Variants in SLC9A8 observed in about 807,000 individuals in gnomAD.
SLC9A8 encodes solute carrier family 9 member A8, also known as sodium/hydrogen exchanger 8.
In SLC9A8, 48 loss-of-function variants were observed where a neutral mutation model predicts 66.6. The observed-to-expected ratio is 0.72, with a 90% CI of 0.57 to 0.92. The LOEUF is 0.92. Ranked by LOEUF, SLC9A8 falls within the 40% of genes least tolerant of loss-of-function variation. SLC9A8 has a pLI of 0.00. For missense variants in SLC9A8, 599 were observed against 747.3 expected (o/e 0.80, Z 2.31); for synonymous variants, 274 against 282.6 (o/e 0.97, Z 0.31).
intron 3 of SLC9A8, among the ~76,000 whole-genome samples, chr20:49,838,666 C>T (rs532592863): frequency 3.3e-5 from 5 of 152,266 alleles, no homozygotes; most frequent in African/African-American, 1.2e-4. Context: ...TCCATCTTCT[C>T]GTTGATGGCG....
chr20:49,820,499 G>GA (rs947600690), intron 2 of SLC9A8, among the ~76,000 whole-genome samples: 11 of 148,770 alleles, frequency 7.4e-5, no homozygotes, highest in African/African-American at 1.2e-4. Context: ...CTGTCTCGGG[G>GA]AAAAAAAAAA....
At chr20:49,858,001 AAG>A (rs1188875704) in intron 8 of SLC9A8, among the ~76,000 whole-genome samples, 2 of 152,366 alleles carry the variant, frequency 1.3e-5, no homozygotes, top group East Asian at 3.9e-4. Context: ...ACAAGCAAAA[AAG>A]AGAGAAGTAT....
chr20:49,872,919 T>G (rs1019805415), intron 10 of SLC9A8, among the ~76,000 whole-genome samples: 1 of 152,232 alleles, frequency 6.6e-6, no homozygotes, highest in African/African-American at 2.4e-5. Context: ...TGATGATTTT[T>G]TAAGACAATC....
chr20:49,830,435 C>A, intron 3 of SLC9A8: 2 of 839,292 alleles, frequency 2.4e-6, no homozygotes, highest in Non-Finnish European at 2.1e-6. Flanking sequence ...CCAAGGCGGC[C>A]AAGGACCTGG....
At chr20:49,821,447 A>G (rs78585927) in intron 2 of SLC9A8, among the ~76,000 whole-genome samples, 13,005 of 152,276 alleles carry the variant, frequency 0.085, 653 homozygotes, top group Middle Eastern at 0.13. Context: ...TATAAAAATA[A>G]CACCACAGAT....
At chr20:49,879,338 C>T (rs950507641) in intron 12 of SLC9A8, among the ~76,000 whole-genome samples, 2 of 152,212 alleles carry the variant, frequency 1.3e-5, no homozygotes, top group African/African-American at 4.8e-5. Context: ...AGATTTGAGA[C>T]TTGGATCCAT....
chr20:49,845,219 G>A (rs1249953470), intron 5 of SLC9A8, 100 bp downstream of exon 5: 2 of 833,682 alleles, frequency 2.4e-6, no homozygotes, highest in Non-Finnish European at 4.1e-6. Flanking sequence ...AGCAGCAGCA[G>A]CAGCAGCTCT....
intron 3 of SLC9A8, chr20:49,829,869 G>T (rs1363258547): frequency 1.2e-5 from 7 of 567,126 alleles, no homozygotes; most frequent in Non-Finnish European, 2.1e-5. Flanking sequence ...GGAAAGAAGG[G>T]GGTGTCTTCG....
At chr20:49,835,356 A>G (rs1387134400) in intron 3 of SLC9A8, among the ~76,000 whole-genome samples, 1 of 152,226 alleles carries the variant, frequency 6.6e-6, no homozygotes, top group African/African-American at 2.4e-5. Flanking sequence ...AAGGTACAAT[A>G]TAATTCACAT....
At chr20:49,884,274 G>GACACACAC (rs1202309628) in intron 14 of SLC9A8, 1,458 of 119,154 alleles carry the variant, frequency 0.012, 30 homozygotes, top group Middle Eastern at 0.02. Flanking sequence ...ACACACACAC[G>GACACACAC]ACACACACAC....
At chr20:49,864,703 T>C (rs1352174564) in intron 9 of SLC9A8, 36 bp from the exon 10 acceptor site, 17 of 1,467,508 alleles carry the variant, frequency 1.2e-5, no homozygotes, top group Non-Finnish European at 1.6e-5. Flanking sequence ...CCATCAACTC[T>C]CCCTCGATTC....
chr20:49,815,066 G>A lies in SLC9A8; in HGVS notation c.85G>A (p.Val29Ile). Residue 29 changes from valine (V) to isoleucine (I), a missense_variant, in exon 2 of 16, where the codon GTC becomes ATC. Coordinates refer to ENST00000361573, the MANE Select transcript of SLC9A8 (RefSeq NM_015266.3). ...FNVTLHTTLV[V>I]TTKLVLPTPG... The stretch of plus-strand genomic sequence containing the variant: ...TGTCACCCTCCACACCACCCTGGTT[G>A]TCACGACGAAACTGGTGCTCCCGAC... 2 of 1,609,232 alleles carry A rather than the reference G, an allele frequency of 1.2e-6. No individual in the cohort carries two copies. Among genetic ancestry groups the A allele is most frequent in the Middle Eastern group, 3.3e-4 (2 of 6,054 alleles).
At position 49,874,698 on chromosome 20, in the gene SLC9A8, T is replaced by C. The variant is rs760654380; in HGVS notation, c.959-7T>C. 4.5e-6 allele frequency: 7 copies of C among 1,539,558 alleles called. No individual in the cohort carries two copies. Among genetic ancestry groups the C allele is most frequent in the Non-Finnish European group, 6.3e-6 (7 of 1,112,266 alleles). ...AGTGCTTTCTGTTCTGTTCTCTCCCTCTCTAGGCATCATGGCCATCCTTTT... is the reference window on the plus strand; with the variant it reads ...AGTGCTTTCTGTTCTGTTCTCTCCCCCTCTAGGCATCATGGCCATCCTTTT... On this transcript the variant is annotated splice_polypyrimidine_tract_variant and splice_region_variant and intron_variant, in intron 10 of 15. Transcript: ENST00000361573.
At position 49,844,619 on chromosome 20, in the gene SLC9A8, TAAAAAAAAAAAAAAAA is replaced by T. The variant is rs35043669; in HGVS notation, c.349-401_349-386del. Among the ~76,000 whole-genome samples, 79 of 106,038 alleles carry T rather than the reference TAAAAAAAAAAAAAAAA, an allele frequency of 7.5e-4. 2 individuals are homozygous for T. Among genetic ancestry groups the T allele is most frequent in the African/African-American group, 1.3e-3 (42 of 31,486 alleles). The allele number at this position is 106,038 out of a possible 152,430, so 69.6% of individuals were successfully genotyped here. A position where few individuals can be genotyped will look rare whatever the true frequency, so the allele number is the denominator to read the frequency against. On this transcript the variant is annotated intron_variant, in intron 4 of 15. Transcript: ENST00000361573. ...GGCAACATAGCGGGACCCTGTATCT[TAAAAAAAAAAAAAAAA>T]AAAAAAAAAAAAAAATTAGCCCGGC...
Position 49,815,358 on chromosome 20 carries a change from C to G in SLC9A8, c.208+169C>G, listed in dbSNP as rs1600614476. On this transcript the variant is annotated intron_variant, in intron 2 of 15. Transcript: ENST00000361573. ...TTTATAACATCATTAACAGGAAACTCTCTTCTTTATAAAATCATGGTGCTT... is the reference window on the plus strand; with the variant it reads ...TTTATAACATCATTAACAGGAAACTGTCTTCTTTATAAAATCATGGTGCTT... 3.4e-5 allele frequency: 15 copies of G among 444,518 alleles called. No homozygotes were observed. In the South Asian group the frequency reaches 3.8e-4, roughly 11 times the overall value. The allele number at this position is 444,518 out of a possible 1,614,324, so 27.5% of individuals were successfully genotyped here.
intron 8 of SLC9A8, among the ~76,000 whole-genome samples, chr20:49,856,419 A>G (rs187638232): frequency 5.3e-5 from 8 of 152,336 alleles, no homozygotes; most frequent in Non-Finnish European, 1.0e-4. Context: ...TTAAGATGCT[A>G]TTGTGTAAAC....
Position 49,839,685 on chromosome 20 carries a change from TTATTTA to T in SLC9A8, c.348+91_348+96del, listed in dbSNP as rs1442035790. ...TGTAATTACTTGGCTATCAGTGGAG[TTATTTA>T]TATTATTATGTTATATATCCCATTA... On this transcript the variant is annotated intron_variant, in intron 4 of 15. Transcript: ENST00000361573. 40 of 775,190 alleles carry T rather than the reference TTATTTA, an allele frequency of 5.2e-5. No individual in the cohort carries two copies. In the East Asian group the frequency reaches 8.4e-4, roughly 16 times the overall value. The allele number at this position is 775,190 out of a possible 1,614,324, so 48.0% of individuals were successfully genotyped here.
At chr20:49,856,488 A>T (rs1348408451) in intron 8 of SLC9A8, among the ~76,000 whole-genome samples, 1 of 152,158 alleles carries the variant, frequency 6.6e-6, no homozygotes. Context: ...ACCCTAATTG[A>T]TGGGATCTGA....
At chr20:49,881,913 AG>A (rs1470573318) in intron 13 of SLC9A8, among the ~76,000 whole-genome samples, 1 of 152,074 alleles carries the variant, frequency 6.6e-6, no homozygotes, top group Non-Finnish European at 1.5e-5. Flanking sequence ...CTATTTGGGA[AG>A]GGGGGCATGA....
Sources: gnomAD v4.1 joint callset for allele counts (sites outside exome capture counted in the v4.1 genomes callset) on GRCh38, gnomAD v4.1.1 for gene constraint, MANE v1.5 for transcripts, NCBI Gene and HGNC (gene_info 2026-07-23, HGNC 2026-07-21) for gene names.